The following TMOD3 variants were observed in gnomAD, a reference collection of about 807,000 sequenced individuals.
TMOD3 encodes tropomodulin 3.
Under a neutral mutation model 39.2 loss-of-function variants are expected in TMOD3, and 20 were observed. The ratio of observed to expected loss-of-function variants is 0.51; its 90% CI spans 0.36 to 0.74. The LOEUF is 0.74. Among genes scored for constraint, TMOD3 ranks in the 30% least tolerant of loss-of-function variants. TMOD3 has a pLI of 0.00. For synonymous variants in TMOD3, 143 were observed against 145.8 expected (o/e 0.98, Z 0.14); for missense variants, 381 against 412.8 (o/e 0.92, Z 0.67).
chr15:51,893,294 C>CAAAAAAAAAAAAAA (rs59321162), intron 5 of TMOD3, among the ~76,000 whole-genome samples: 10 of 59,004 alleles, frequency 1.7e-4, no homozygotes, highest in Non-Finnish European at 2.6e-4. Context: ...GACTCCATCT[C>CAAAAAAAAAAAAAA]AAAAAAAAAA....
chr15:51,847,234 T>G (rs2056340494), intron 1 of TMOD3, among the ~76,000 whole-genome samples: 1 of 152,250 alleles, frequency 6.6e-6, no homozygotes, highest in Admixed American at 6.5e-5. Context: ...AAGGTAGTCC[T>G]CCGTGATCTG....
At chr15:51,889,920 G>A (rs2056583702) in intron 5 of TMOD3, among the ~76,000 whole-genome samples, 1 of 152,076 alleles carries the variant, frequency 6.6e-6, no homozygotes, top group African/African-American at 2.4e-5. Context: ...ACATGCCTTT[G>A]TAGCACATTT....
chr15:51,864,940 T>C (rs2056437924), intron 2 of TMOD3, among the ~76,000 whole-genome samples: 1 of 152,100 alleles, frequency 6.6e-6, no homozygotes, highest in East Asian at 1.9e-4. Context: ...TCTCCAGGAT[T>C]AGCAAGGCCC....
chr15:51,888,421 CTGAA>C (rs1340727198), intron 4 of TMOD3, among the ~76,000 whole-genome samples: 1 of 152,182 alleles, frequency 6.6e-6, no homozygotes, highest in East Asian at 1.9e-4. Context: ...GGTTGAGGGA[CTGAA>C]GACTGACAGA....
chr15:51,860,583 G>A, intron 1 of TMOD3: 1 of 561,746 alleles, frequency 1.8e-6, no homozygotes, highest in Non-Finnish European at 3.5e-6. Flanking sequence ...GGAATGAATG[G>A]CCAACATGGC....
intron 7 of TMOD3, 27 bp from the exon 8 acceptor site, chr15:51,900,128 T>G (rs1566867710): frequency 2.5e-6 from 4 of 1,608,024 alleles, no homozygotes; most frequent in Non-Finnish European, 3.4e-6. Context: ...CAAATTTTAA[T>G]CTCTTAATAT....
At chr15:51,843,892 A>AG (rs1646956298) in intron 1 of TMOD3, among the ~76,000 whole-genome samples, 1 of 14,072 alleles carries the variant, frequency 7.1e-5, no homozygotes, top group Non-Finnish European at 1.2e-4. Context: ...GCAGATTGCT[A>AG]GTTTTTTTTT....
chr15:51,836,346 C>G (rs552202652), intron 1 of TMOD3, among the ~76,000 whole-genome samples: 1 of 152,264 alleles, frequency 6.6e-6, no homozygotes, highest in East Asian at 1.9e-4. Flanking sequence ...AACCACTAAT[C>G]TACTCTCTCT....
At position 51,887,586 on chromosome 15, in the gene TMOD3, C is replaced by T; in HGVS notation, c.284-3C>T. 6.2e-7 allele frequency: 1 copy of T among 1,608,700 alleles called. No individual in the cohort carries two copies. Among genetic ancestry groups the T allele is most frequent in the South Asian group, 1.1e-5 (1 of 89,614 alleles). ...GGAATTAACAAAATGCTTTATTTTA[C>T]AGGGAAAATATTTATCCCCAAACAG... On this transcript the variant is annotated splice_polypyrimidine_tract_variant and splice_region_variant and intron_variant, in intron 3 of 9. Transcript: ENST00000308580.
chr15:51,902,074 A>G, intron 9 of TMOD3, 38 bp downstream of exon 9: 1 of 1,607,484 alleles, frequency 6.2e-7, no homozygotes, highest in Non-Finnish European at 8.5e-7. Context: ...GAGTTCTATC[A>G]CAAGCTAACG....
At chr15:51,839,627 G>T (rs2056303777) in intron 1 of TMOD3, among the ~76,000 whole-genome samples, 1 of 151,914 alleles carries the variant, frequency 6.6e-6, no homozygotes, top group South Asian at 2.1e-4. Context: ...GCTCACTGCA[G>T]CCTTGAACTC....
intron 1 of TMOD3, among the ~76,000 whole-genome samples, chr15:51,855,690 C>G (rs1322665432): frequency 6.6e-6 from 1 of 151,988 alleles, no homozygotes; most frequent in Non-Finnish European, 1.5e-5. Context: ...AAGTACTTTT[C>G]TAGCACACTG....
At chr15:51,848,762 T>C (rs952794117) in intron 1 of TMOD3, among the ~76,000 whole-genome samples, 12 of 152,228 alleles carry the variant, frequency 7.9e-5, no homozygotes, top group Non-Finnish European at 4.4e-5. Flanking sequence ...CACCAGAAGT[T>C]TTCTTCAGCA....
chr15:51,889,175 A>G (rs1185721083), intron 5 of TMOD3, 30 bp downstream of exon 5: 29 of 1,413,334 alleles, frequency 2.1e-5, no homozygotes, highest in Non-Finnish European at 2.9e-5. Context: ...TGTGAATTCT[A>G]ATCCTTTATT....
In TMOD3 at chr15:51,893,963, A is replaced by G. The variant is rs746497528; in HGVS notation, c.627+18A>G. On this transcript the variant is annotated intron_variant, in intron 6 of 9. Coordinates refer to ENST00000308580, the MANE Select transcript of TMOD3 (RefSeq NM_014547.5). The stretch of plus-strand genomic sequence containing the variant: ...ATATAAAGGTAAGTGTGCTAATCAG[A>G]GTGGTTTTGTATTGCTTTGAGTTAG... 2 of 1,539,326 alleles carry G rather than the reference A, an allele frequency of 1.3e-6. No individual in the cohort carries two copies. The highest frequency in any genetic ancestry group is 1.8e-6 in the Non-Finnish European group (2 of 1,135,758).
intron 5 of TMOD3, among the ~76,000 whole-genome samples, chr15:51,891,086 C>T (rs539181622): frequency 6.6e-6 from 1 of 152,012 alleles, no homozygotes; most frequent in Non-Finnish European, 1.5e-5. Context: ...ACGGTATTTT[C>T]TTCATATCAT....
chr15:51,845,131 T>C (rs2056329477), intron 1 of TMOD3, among the ~76,000 whole-genome samples: 1 of 152,182 alleles, frequency 6.6e-6, no homozygotes, highest in Admixed American at 6.5e-5. Context: ...TTCCTTAAAA[T>C]CATAGACAAT....
At chr15:51,902,860 C>T (rs2056659560) in intron 9 of TMOD3, among the ~76,000 whole-genome samples, 1 of 151,984 alleles carries the variant, frequency 6.6e-6, no homozygotes, top group African/African-American at 2.4e-5. Context: ...ACCGTGTTAG[C>T]CAGGATGGTC....
intron 1 of TMOD3, among the ~76,000 whole-genome samples, chr15:51,845,672 G>A (rs924139646): frequency 1.1e-4 from 16 of 152,140 alleles, no homozygotes; most frequent in African/African-American, 3.1e-4. Flanking sequence ...TGGGAGAATC[G>A]CTTGAGCCCA....
Sources: allele counts gnomAD v4.1 joint callset (sites outside exome capture counted in the v4.1 genomes callset), GRCh38; gene constraint gnomAD v4.1.1; transcripts MANE v1.5; gene names NCBI Gene and HGNC (gene_info 2026-07-23, HGNC 2026-07-21).